The following FILIP1 variants were observed in gnomAD, a reference collection of about 807,000 sequenced individuals.
FILIP1 encodes filamin A interacting protein 1.
A neutral mutation model predicts 102.1 loss-of-function variants in FILIP1; 61 were observed. The ratio of observed to expected loss-of-function variants is 0.60; its 90% CI spans 0.49 to 0.74. FILIP1 has a LOEUF of 0.74. Ranked by LOEUF, FILIP1 falls within the 30% of genes least tolerant of loss-of-function variation. The pLI is 0.00. For synonymous variants in FILIP1, 491 were observed against 526.9 expected (o/e 0.93, Z 0.93); for missense variants, 1,314 against 1,441.2 (o/e 0.91, Z 1.43).
intron 2 of FILIP1, among the ~76,000 whole-genome samples, chr6:75,405,349 C>T (rs1206686744): frequency 6.6e-6 from 1 of 151,654 alleles, no homozygotes; most frequent in East Asian, 1.9e-4. Context: ...TTCCACTAAG[C>T]TAAAGAAGGG....
At position 75,308,897 on chromosome 6, in the gene FILIP1, A is replaced by G; in HGVS notation, c.3436T>C (p.Ser1146Pro). Residue 1146 changes from serine to proline, a missense_variant and splice_region_variant, in exon 6 of 6, where the codon TCA becomes CCA. Ser to Pro is a moderately conservative substitution (Grantham distance 74). Transcript: ENST00000237172. ...CGCTGGGATGACCCGTCTTGTCCTG[A>G]CTGTAAGAGAGAAAATACGTAGATA... ...TSSARGTQSV[S>P]GQDGSSQRPT... 1 of 1,613,822 alleles carries G rather than the reference A, an allele frequency of 6.2e-7. No individual in the cohort carries two copies. Among genetic ancestry groups the G allele is most frequent in the Non-Finnish European group, 8.5e-7 (1 of 1,179,842 alleles).
intron 1 of FILIP1, among the ~76,000 whole-genome samples, chr6:75,430,572 C>T (rs960663810): frequency 1.2e-4 from 19 of 152,076 alleles, no homozygotes; most frequent in Non-Finnish European, 4.4e-5. Context: ...ACCCCAATGA[C>T]TTCTCATGTG....
intron 2 of FILIP1, among the ~76,000 whole-genome samples, chr6:75,379,690 C>T (rs1044306280): frequency 1.3e-5 from 2 of 152,180 alleles, no homozygotes; most frequent in African/African-American, 4.8e-5. Flanking sequence ...CTTGTTGTGC[C>T]TCAGACTCTC....
Position 75,312,813 on chromosome 6 carries a change from T to C in FILIP1, c.3019A>G (p.Ile1007Val), listed in dbSNP as rs749359869. The change falls in exon 5 of 6, where the codon ATT becomes GTT. Residue 1007 changes from isoleucine to valine, a missense_variant. Around this residue, in one of 3 missense-constraint regions of FILIP1, gnomAD observed 816 missense variants for 913.1 expected, o/e 0.89. Coordinates refer to ENST00000237172, the MANE Select transcript of FILIP1 (RefSeq NM_015687.5). ...GAFADRPTSP[I>V]QIMTVSTSAA... ...GATGTAGACACCGTCATTATCTGAA[T>C]AGGGGATGTGGGCCTGTCTGCAAAT... The C allele has an allele frequency of 3.7e-6, 6 of 1,614,088 alleles. No homozygotes were observed. Among genetic ancestry groups the C allele is most frequent in the Admixed American group, 3.3e-5 (2 of 60,010 alleles).
intron 1 of FILIP1, among the ~76,000 whole-genome samples, chr6:75,416,586 CA>C (rs35413915): frequency 0.67 from 87,002 of 130,474 alleles, 27,235 homozygotes; most frequent in African/African-American, 0.76. Context: ...AGCCCCAATC[CA>C]AAAAAAAAAA....
intron 4 of FILIP1, among the ~76,000 whole-genome samples, chr6:75,320,205 A>G (rs553436239): frequency 2.0e-5 from 3 of 152,326 alleles, no homozygotes; most frequent in Admixed American, 2.0e-4. Flanking sequence ...GTGCTCAAGA[A>G]ATATTGACTG....
In FILIP1 at chr6:75,347,209, C is replaced by A. The variant is rs186297864; in HGVS notation, c.629+6330G>T. On this transcript the variant is annotated intron_variant, in intron 4 of 5. Coordinates refer to ENST00000237172, the MANE Select transcript of FILIP1 (RefSeq NM_015687.5). Reference sequence around the variant, plus strand: ...AAACTCAGTTCAAACCCTGATTCTGCCAATTAATTATTGGCAAGTGTCCTT... The same window carrying A: ...AAACTCAGTTCAAACCCTGATTCTGACAATTAATTATTGGCAAGTGTCCTT... 1.3e-3 allele frequency among the ~76,000 whole-genome samples: 199 copies of A among 152,248 alleles called. 1 individual carries two copies. Among genetic ancestry groups the A allele is most frequent in the Non-Finnish European group, 1.1e-3 (77 of 68,012 alleles).
chr6:75,426,220 C>T (rs1214766485), intron 1 of FILIP1, among the ~76,000 whole-genome samples: 3 of 151,782 alleles, frequency 2.0e-5, no homozygotes, highest in Admixed American at 6.6e-5. Flanking sequence ...CTCTGGTTTA[C>T]AGTAATTAGA....
intron 1 of FILIP1, among the ~76,000 whole-genome samples, chr6:75,436,957 A>C (rs1383268025): frequency 6.6e-6 from 1 of 152,250 alleles, no homozygotes; most frequent in Non-Finnish European, 1.5e-5. Flanking sequence ...AGATGAGCAC[A>C]ATCAGTTCCT....
intron 1 of FILIP1, among the ~76,000 whole-genome samples, chr6:75,457,676 C>T (rs536320830): frequency 5.4e-4 from 82 of 151,428 alleles, no homozygotes; most frequent in African/African-American, 1.9e-3. Flanking sequence ...GCCCTAAGCA[C>T]ATATTTAGCC....
At chr6:75,422,420 G>C (rs1252089359) in intron 1 of FILIP1, among the ~76,000 whole-genome samples, 1 of 152,022 alleles carries the variant, frequency 6.6e-6, no homozygotes, top group African/African-American at 2.4e-5. Context: ...TGAAGAAAAG[G>C]GAATGTCACC....
At chr6:75,463,368 T>A (rs1779079086) in intron 1 of FILIP1, among the ~76,000 whole-genome samples, 1 of 152,242 alleles carries the variant, frequency 6.6e-6, no homozygotes, top group Admixed American at 6.5e-5. Context: ...CCTAATTGAT[T>A]ACCGTGTTTG....
chr6:75,451,142 G>A (rs1778618241), intron 1 of FILIP1, among the ~76,000 whole-genome samples: 1 of 151,622 alleles, frequency 6.6e-6, no homozygotes, highest in African/African-American at 2.4e-5. Context: ...TGTTTAGATT[G>A]AGGAACTGCT....
chr6:75,400,304 T>C lies in FILIP1; in HGVS notation c.276+14393A>G, dbSNP rs1302067491. Among the ~76,000 whole-genome samples, 4 of 152,204 alleles carry C rather than the reference T, an allele frequency of 2.6e-5. No individual in the cohort carries two copies. In the East Asian group the frequency reaches 5.8e-4, roughly 22 times the overall value. ...TAAAAAAGAAAACCCAGTTTATACT[T>C]GCCAATTGCAACTACAAAGTAATTT... On this transcript the variant is annotated intron_variant, in intron 2 of 5. Transcript: ENST00000237172.
chr6:75,463,591 T>A (rs922422743), intron 1 of FILIP1, among the ~76,000 whole-genome samples: 1 of 152,186 alleles, frequency 6.6e-6, no homozygotes, highest in Non-Finnish European at 1.5e-5. Context: ...TTTCTGGATA[T>A]CATAAAATAA....
intron 1 of FILIP1, among the ~76,000 whole-genome samples, chr6:75,490,067 T>C (rs1455732362): frequency 6.6e-6 from 1 of 152,092 alleles, no homozygotes; most frequent in Non-Finnish European, 1.5e-5. Flanking sequence ...GGCATATGTT[T>C]TATGAAAAAA....
downstream of FILIP1, among the ~76,000 whole-genome samples, chr6:75,304,934 T>A (rs1256458533): frequency 6.6e-6 from 1 of 152,180 alleles, no homozygotes; most frequent in Non-Finnish European, 1.5e-5. Flanking sequence ...AGTGTGAGAC[T>A]GGAGGCAGGA....
rs534768014 is a variant in FILIP1 at position 75,301,183 on chromosome 6, GACA to G, written c.3494-5236_3494-5234del. Among the ~76,000 whole-genome samples, 55 of 152,218 alleles carry G rather than the reference GACA, an allele frequency of 3.6e-4. 1 individual carries two copies. In the East Asian group the frequency reaches 9.5e-3, roughly 26 times the overall value. ...AAGGTCACTGCGCTTTTTAAATGAG[GACA>G]ACAATATTCATCAAAATATTGTTGT... On this transcript the variant is annotated intron_variant, in intron 6 of 6. Coordinates refer to the FILIP1 transcript ENST00000393004.
intron 1 of FILIP1, among the ~76,000 whole-genome samples, chr6:75,477,473 T>C (rs1779511454): frequency 6.6e-6 from 1 of 152,166 alleles, no homozygotes; most frequent in Non-Finnish European, 1.5e-5. Flanking sequence ...ATTAGCCTGA[T>C]TTAATCATGC....
Sources: allele counts gnomAD v4.1 joint callset (sites outside exome capture counted in the v4.1 genomes callset), GRCh38; gene constraint gnomAD v4.1.1; regional missense constraint gnomAD v4.1.1; transcripts MANE v1.5; gene names NCBI Gene and HGNC (gene_info 2026-07-23, HGNC 2026-07-21).